The following THSD7B variants were observed in gnomAD, a reference collection of about 807,000 sequenced individuals.
The protein encoded by THSD7B is thrombospondin type-1 domain-containing protein 7B.
THSD7B carries 138 observed loss-of-function variants against 213.6 expected under a neutral mutation model. The observed-to-expected ratio is 0.65, with a 90% CI of 0.56 to 0.74. THSD7B has a LOEUF of 0.74. Ranked by LOEUF, THSD7B falls within the 30% of genes least tolerant of loss-of-function variation. The probability of loss-of-function intolerance (pLI) is 0.00; values close to 1 mark genes in which losing one functional copy is unlikely to be tolerated. For missense variants in THSD7B, 1,931 were observed against 1,991.5 expected (o/e 0.97, Z 0.58); for synonymous variants, 742 against 687.0 (o/e 1.08, Z -1.25).
At chr2:137,286,978 A>G (rs1351396234) in intron 12 of THSD7B, among the ~76,000 whole-genome samples, 1 of 152,194 alleles carries the variant, frequency 6.6e-6, no homozygotes, top group Non-Finnish European at 1.5e-5. Context: ...TGATATAGGC[A>G]ACAGGCAAAT....
chr2:136,996,529 G>A (rs1465534622), intron 2 of THSD7B, among the ~76,000 whole-genome samples: 2 of 151,844 alleles, frequency 1.3e-5, no homozygotes, highest in African/African-American at 4.8e-5. Flanking sequence ...ATTATTTGTA[G>A]AGATGGGGTC....
intron 10 of THSD7B, among the ~76,000 whole-genome samples, chr2:137,255,575 C>A (rs1682287723): frequency 6.6e-6 from 1 of 152,156 alleles, no homozygotes; most frequent in African/African-American, 2.4e-5. Context: ...CTAATACTTT[C>A]CACTGCCTCC....
intron 15 of THSD7B, among the ~76,000 whole-genome samples, chr2:137,478,545 G>T (rs1160216163): frequency 2.0e-5 from 3 of 151,470 alleles, no homozygotes; most frequent in Non-Finnish European, 4.4e-5. Flanking sequence ...CATTATTTTG[G>T]ATTCTTTTTC....
chr2:137,586,221 A>G lies in THSD7B; in HGVS notation c.3423+13665A>G, dbSNP rs546511348. 1.2e-4 allele frequency among the ~76,000 whole-genome samples: 19 copies of G among 152,208 alleles called. No homozygotes were observed. In the South Asian group the frequency reaches 3.9e-3, roughly 32 times the overall value. On this transcript the variant is annotated intron_variant, in intron 17 of 27. Transcript: ENST00000409968. Reference sequence around the variant, plus strand: ...TCCTCCATCCCTTTCTTTTGAGCCTATGTGTGTCCCTGCACATGAGATGGG... The same window carrying G: ...TCCTCCATCCCTTTCTTTTGAGCCTGTGTGTGTCCCTGCACATGAGATGGG...
chr2:136,976,059 G>C (rs180901251), intron 2 of THSD7B, among the ~76,000 whole-genome samples: 108 of 152,272 alleles, frequency 7.1e-4, no homozygotes, highest in Middle Eastern at 6.8e-3. Context: ...TTTGCTGAAG[G>C]TGCTTATCAG....
intron 2 of THSD7B, among the ~76,000 whole-genome samples, chr2:136,963,130 A>T (rs765347100): frequency 1.3e-5 from 2 of 152,208 alleles, no homozygotes; most frequent in East Asian, 3.9e-4. Context: ...AAATGTATGT[A>T]TAGTCACCAT....
chr2:136,864,209 A>G (rs945713648), intron 1 of THSD7B, among the ~76,000 whole-genome samples: 2 of 152,254 alleles, frequency 1.3e-5, no homozygotes, highest in African/African-American at 4.8e-5. Flanking sequence ...TCAAGCAGGC[A>G]GCAGATACTT....
intron 2 of THSD7B, among the ~76,000 whole-genome samples, chr2:136,892,646 T>C (rs1225962783): frequency 6.6e-6 from 1 of 151,866 alleles, no homozygotes; most frequent in African/African-American, 2.4e-5. Context: ...GAATGTCCTC[T>C]TGAGAAGTTG....
chr2:136,833,703 G>A (rs1402200029), intron 1 of THSD7B, among the ~76,000 whole-genome samples: 2 of 152,102 alleles, frequency 1.3e-5, no homozygotes, highest in South Asian at 2.1e-4. Context: ...CAGGCAAAGT[G>A]CAAAAGGTCA....
At chr2:137,657,391 A>G (rs1683257960) in intron 24 of THSD7B, among the ~76,000 whole-genome samples, 1 of 152,320 alleles carries the variant, frequency 6.6e-6, no homozygotes, top group Admixed American at 6.5e-5. Context: ...ATGCAATAAA[A>G]TGTCCTTAAA....
chr2:137,057,186 G>C lies in THSD7B; in HGVS notation c.906G>C (p.Arg302=), dbSNP rs1264928850. The change falls in exon 3 of 28, where the codon CGG becomes CGC. Residue 302 remains arginine (R), a synonymous_variant. Transcript: ENST00000409968. The part of the protein sequence containing the change: ...SWAIEIGYQT[R]QVSCTRSDGQ... ...CAATAGAGATAGGTTATCAAACCCG[G>C]CAGGTTTCGTGTACAAGAAGTGATG... The C allele has an allele frequency of 6.2e-7, 1 of 1,613,798 alleles. No homozygotes were observed. The highest frequency in any genetic ancestry group is 8.5e-7 in the Non-Finnish European group (1 of 1,179,810).
intron 7 of THSD7B, among the ~76,000 whole-genome samples, chr2:137,181,166 G>A (rs1400113768): frequency 1.3e-5 from 2 of 152,134 alleles, no homozygotes; most frequent in Non-Finnish European, 2.9e-5. Context: ...TCATCAGAAT[G>A]GATTGGAAGG....
rs1348585256 is a variant in THSD7B at position 137,363,437 on chromosome 2, A to G, written c.2501-42176A>G. 4.6e-5 allele frequency among the ~76,000 whole-genome samples: 7 copies of G among 152,338 alleles called. No homozygotes were observed. In the South Asian group the frequency reaches 6.2e-4, roughly 14 times the overall value. ...CACAAAAAACCCTTCAAAAAAATCA[A>G]TGAATCCAGGAGCTGGTTTTTTGAA... On this transcript the variant is annotated intron_variant, in intron 12 of 27. Transcript: ENST00000409968.
chr2:137,605,538 C>T (rs2104827472), intron 17 of THSD7B, among the ~76,000 whole-genome samples: 1 of 147,996 alleles, frequency 6.8e-6, no homozygotes, highest in Middle Eastern at 3.6e-3. Flanking sequence ...CCCCAAGGAA[C>T]ATACAGTCTA....
intron 12 of THSD7B, among the ~76,000 whole-genome samples, chr2:137,404,470 TATATAC>T (rs1200083317): frequency 2.2e-3 from 137 of 62,496 alleles, no homozygotes; most frequent in Admixed American, 5.7e-3. Context: ...TATATATATA[TATATAC>T]ACACACACAC....
chr2:137,516,413 A>G (rs912583230), intron 15 of THSD7B, among the ~76,000 whole-genome samples: 10 of 152,120 alleles, frequency 6.6e-5, no homozygotes, highest in African/African-American at 2.2e-4. Context: ...ATTACCAACA[A>G]TTTACACTGT....
At chr2:137,380,185 G>A (rs1685742119) in intron 12 of THSD7B, among the ~76,000 whole-genome samples, 1 of 151,658 alleles carries the variant, frequency 6.6e-6, no homozygotes, top group South Asian at 2.1e-4. Context: ...GCCAAGGTGA[G>A]AGGATCACTT....
chr2:136,858,904 A>G (rs779501588), intron 1 of THSD7B, among the ~76,000 whole-genome samples: 5 of 152,136 alleles, frequency 3.3e-5, no homozygotes, highest in South Asian at 2.1e-4. Context: ...TGTTAATTGA[A>G]CCATAATGGG....
chr2:137,423,563 C>T (rs932385900), intron 14 of THSD7B, among the ~76,000 whole-genome samples: 4 of 151,888 alleles, frequency 2.6e-5, no homozygotes, highest in South Asian at 2.1e-4. Context: ...GACTGAAAGA[C>T]TTAAGAATCT....
Sources: gnomAD v4.1 joint callset for allele counts (sites outside exome capture counted in the v4.1 genomes callset) on GRCh38, gnomAD v4.1.1 for gene constraint, MANE v1.5 for transcripts, NCBI Gene and HGNC (gene_info 2026-07-23, HGNC 2026-07-21) for gene names.